ACACA: variants seen among roughly 807,000 people sequenced by gnomAD.
ACACA encodes the protein acetyl-CoA carboxylase alpha.
A neutral mutation model predicts 296.1 loss-of-function variants in ACACA; 103 were observed. The observed-to-expected ratio is 0.35, with a 90% CI of 0.30 to 0.41. The LOEUF (loss-of-function observed/expected upper bound fraction) is 0.41. ACACA is among the 10% of genes least tolerant of loss of function. The pLI is 1.00. For missense variants in ACACA, 1,554 were observed against 2,989.7 expected (o/e 0.52, Z 11.20); for synonymous variants, 953 against 1,038.6 (o/e 0.92, Z 1.58).
At chr17:37,152,102 T>C (rs564151043) in intron 43 of ACACA, among the ~76,000 whole-genome samples, 4 of 152,286 alleles carry the variant, frequency 2.6e-5, no homozygotes, top group Non-Finnish European at 2.9e-5. Context: ...GCCAAGCAGA[T>C]AGATTTAAAT....
intron 1 of ACACA, among the ~76,000 whole-genome samples, chr17:37,348,212 C>T (rs753674931): frequency 6.6e-6 from 1 of 151,160 alleles, no homozygotes; most frequent in African/African-American, 2.4e-5. Context: ...GATGAGAGAA[C>T]CTGTTCAGAA....
chr17:37,092,706 C>T (rs746150772), intron 54 of ACACA, among the ~76,000 whole-genome samples: 2 of 152,110 alleles, frequency 1.3e-5, no homozygotes, highest in Non-Finnish European at 1.5e-5. Flanking sequence ...ATTACTATAC[C>T]CTACTAATAA....
At chr17:37,120,618 C>G (rs2074483928) in intron 50 of ACACA, among the ~76,000 whole-genome samples, 1 of 152,288 alleles carries the variant, frequency 6.6e-6, no homozygotes, top group African/African-American at 2.4e-5. Flanking sequence ...GGAATTTATA[C>G]TTAGCATACT....
intron 54 of ACACA, among the ~76,000 whole-genome samples, chr17:37,092,322 G>A (rs771541744): frequency 6.6e-6 from 1 of 151,584 alleles, no homozygotes; most frequent in African/African-American, 2.4e-5. Flanking sequence ...GTATTCCAGC[G>A]TGGACTTTAA....
intron 15 of ACACA, among the ~76,000 whole-genome samples, chr17:37,252,567 C>T (rs1243821496): frequency 1.3e-5 from 2 of 152,192 alleles, no homozygotes; most frequent in Non-Finnish European, 1.5e-5. Flanking sequence ...AATGAGGCCT[C>T]TCTCTTCAGC....
chr17:37,161,841 C>T lies in ACACA; in HGVS notation c.5289G>A (p.Leu1763=). The change falls in exon 42 of 56, where the codon CTG becomes CTA. Residue 1763 remains leucine (L), a synonymous_variant. Transcript: ENST00000616317. The part of the protein sequence containing the change: ...VSANSGARIG[L]AEEIRHMFHV... Reference sequence around the variant, plus strand: ...GAAACATATGGCGAATTTCTTCTGCCAGTCCGATTCTTGCTCCACTGTTGG... The same window carrying T: ...GAAACATATGGCGAATTTCTTCTGCTAGTCCGATTCTTGCTCCACTGTTGG... The T allele has an allele frequency of 1.2e-6, 2 of 1,614,076 alleles. No homozygotes were observed. The highest frequency in any genetic ancestry group is 1.7e-6 in the Non-Finnish European group (2 of 1,180,032).
intron 2 of ACACA, among the ~76,000 whole-genome samples, chr17:37,332,785 G>A (rs149408390): frequency 4.9e-4 from 74 of 151,750 alleles, no homozygotes; most frequent in Non-Finnish European, 8.4e-4. Context: ...GGTAACAAGT[G>A]TATAATCCCA....
intron 35 of ACACA, among the ~76,000 whole-genome samples, chr17:37,195,855 G>C (rs973768824): frequency 6.6e-6 from 1 of 152,006 alleles, no homozygotes; most frequent in Non-Finnish European, 1.5e-5. Flanking sequence ...CAATGTATTT[G>C]CTTTCCAAGT....
At position 37,333,940 on chromosome 17, in the gene ACACA, T is replaced by A. The variant is rs1188271390; in HGVS notation, c.86-3515A>T. On this transcript the variant is annotated intron_variant, in intron 2 of 55. Coordinates refer to ENST00000616317, the MANE Select transcript of ACACA (RefSeq NM_198834.3). ...AAAAGGCCCAAGAGGTAATAAACGT[T>A]CATGAAATAATTCCCAGATTCGGAC... Among the ~76,000 whole-genome samples, 5 of 151,670 alleles carry A rather than the reference T, an allele frequency of 3.3e-5. No homozygotes were observed. The East Asian group carries it at 9.7e-4, about 29-fold the overall frequency.
intron 40 of ACACA, among the ~76,000 whole-genome samples, chr17:37,180,415 C>T (rs1197476680): frequency 6.6e-6 from 1 of 152,128 alleles, no homozygotes; most frequent in African/African-American, 2.4e-5. Context: ...TATTACTTTA[C>T]TAAAATTCAA....
chr17:37,227,000 C>T (rs1741450860), intron 25 of ACACA, among the ~76,000 whole-genome samples: 1 of 152,118 alleles, frequency 6.6e-6, no homozygotes, highest in Admixed American at 6.5e-5. Flanking sequence ...ATCTCATATG[C>T]TGGCAATTCT....
intron 47 of ACACA, among the ~76,000 whole-genome samples, 158 bp downstream of exon 47, chr17:37,129,207 T>C (rs2074970563): frequency 6.6e-6 from 1 of 152,202 alleles, no homozygotes; most frequent in South Asian, 2.1e-4. Context: ...ATTTCCCACC[T>C]TTTTCTTCAG....
At chr17:37,251,104 G>A (rs1399929378) in intron 16 of ACACA, among the ~76,000 whole-genome samples, 1 of 152,086 alleles carries the variant, frequency 6.6e-6, no homozygotes, top group Non-Finnish European at 1.5e-5. Context: ...GGGGCTTGTA[G>A]AGGAAAATGC....
chr17:37,299,816 G>A, intron 3 of ACACA: 1 of 991,480 alleles, frequency 1.0e-6, no homozygotes, highest in Non-Finnish European at 1.2e-6. Flanking sequence ...AAATTTACAA[G>A]GACAATTAAG....
intron 1 of ACACA, among the ~76,000 whole-genome samples, chr17:37,375,069 A>G (rs1481340528): frequency 6.6e-6 from 1 of 152,000 alleles, no homozygotes; most frequent in Non-Finnish European, 1.5e-5. Flanking sequence ...TGGCACACAC[A>G]TTTAATCCCA....
intron 50 of ACACA, among the ~76,000 whole-genome samples, chr17:37,117,927 C>G (rs1375911848): frequency 6.6e-6 from 1 of 152,066 alleles, no homozygotes; most frequent in Non-Finnish European, 1.5e-5. Context: ...TTTGTGTGCA[C>G]TGAGGGATGG....
At chr17:37,300,509 A>C (rs2083568704) in intron 3 of ACACA, among the ~76,000 whole-genome samples, 1 of 152,220 alleles carries the variant, frequency 6.6e-6, no homozygotes, top group Non-Finnish European at 1.5e-5. Flanking sequence ...TATTCCCATC[A>C]AAATGCTGGA....
chr17:37,377,889 T>C, intron 1 of ACACA: 1 of 1,612,488 alleles, frequency 6.2e-7, no homozygotes, highest in Non-Finnish European at 8.5e-7. Flanking sequence ...ACCTCAGAGA[T>C]AGCAGTTGCC....
At chr17:37,208,082 C>T (rs2145410267) in intron 30 of ACACA, among the ~76,000 whole-genome samples, 1 of 152,274 alleles carries the variant, frequency 6.6e-6, no homozygotes, top group African/African-American at 2.4e-5. Context: ...AACACAATTA[C>T]ATTATAAGAT....
Sources: allele counts gnomAD v4.1 joint callset (sites outside exome capture counted in the v4.1 genomes callset), GRCh38; gene constraint gnomAD v4.1.1; transcripts MANE v1.5; gene names NCBI Gene and HGNC (gene_info 2026-07-23, HGNC 2026-07-21).